FAT3: variants seen among roughly 807,000 people sequenced by gnomAD.
FAT3 encodes the protein FAT atypical cadherin 3, also known as protocadherin Fat 3.
FAT3 carries 95 observed loss-of-function variants against 310.2 expected under a neutral mutation model. The observed-to-expected ratio is 0.31, with a 90% CI of 0.26 to 0.36. The LOEUF (loss-of-function observed/expected upper bound fraction) is 0.36, where lower values mean the gene tolerates loss of function less well. Ranked by LOEUF, FAT3 falls within the 10% of genes least tolerant of loss-of-function variation. The pLI is 1.00. For missense variants in FAT3, 5,408 were observed against 5,715.6 expected, an observed-to-expected ratio of 0.95 and a Z score of 1.74; for synonymous variants, 2,314 against 2,192.9, an observed-to-expected ratio of 1.06 and a Z score of -1.54.
chr11:92,855,008 C>G (rs191524389), intron 19 of FAT3, among the ~76,000 whole-genome samples: 1 of 152,330 alleles, frequency 6.6e-6, no homozygotes, highest in East Asian at 1.9e-4. Context: ...TCAGAAGTTA[C>G]ATCTATTTGA....
At chr11:92,520,165 T>A (rs1258991330) in intron 2 of FAT3, among the ~76,000 whole-genome samples, 3 of 152,124 alleles carry the variant, frequency 2.0e-5, no homozygotes, top group Non-Finnish European at 4.4e-5. Flanking sequence ...TGAAAAGGAA[T>A]TAACTATTGT....
intron 3 of FAT3, among the ~76,000 whole-genome samples, chr11:92,657,268 C>G (rs1942616543): frequency 1.3e-5 from 2 of 152,100 alleles, no homozygotes; most frequent in Non-Finnish European, 1.5e-5. Flanking sequence ...AGTAGTACAT[C>G]CAGCCATCTG....
intron 2 of FAT3, among the ~76,000 whole-genome samples, chr11:92,381,926 T>C (rs955271646): frequency 1.1e-4 from 16 of 152,028 alleles, no homozygotes; most frequent in Admixed American, 3.3e-4. Context: ...CATTGGTGGG[T>C]AGTTTTTGTC....
intron 3 of FAT3, among the ~76,000 whole-genome samples, chr11:92,617,562 G>T (rs1177118993): frequency 6.6e-6 from 1 of 152,156 alleles, no homozygotes; most frequent in African/African-American, 2.4e-5. Flanking sequence ...GAGGCACTCT[G>T]ATTTTTAGAA....
rs1366326117 is a variant in FAT3, at chr11:92,354,882, G to C, written c.2770G>C (p.Val924Leu). 1.2e-6 allele frequency: 2 copies of C among 1,613,722 alleles called. No homozygotes were observed. The highest frequency in any genetic ancestry group is 1.7e-6 in the Non-Finnish European group (2 of 1,179,870). Residue 924 changes from valine to leucine, a missense_variant, in exon 2 of 28, where the codon GTT (valine) becomes CTT (leucine). By Grantham distance (32) the Val-to-Leu change is conservative (BLOSUM62 1). Coordinates refer to ENST00000525166, the MANE Select transcript of FAT3 (RefSeq NM_001367949.2). Reference sequence around the variant, plus strand: ...GCTGTTTTCAGTTGTCACTCTTAAAGTTTTTTTAGATGATGTCAATGACTG... The same window carrying C: ...GCTGTTTTCAGTTGTCACTCTTAAACTTTTTTTAGATGATGTCAATGACTG... ...QQLFSVVTLK[V>L]FLDDVNDCSP... is the part of the protein sequence containing the mutation.
intron 1 of FAT3, among the ~76,000 whole-genome samples, chr11:92,265,012 A>G (rs1247819686): frequency 6.6e-6 from 1 of 152,012 alleles, no homozygotes; most frequent in East Asian, 1.9e-4. Flanking sequence ...TTTAGCACTC[A>G]GTAAAGGAAA....
chr11:92,505,241 G>T (rs1039080607), intron 2 of FAT3, among the ~76,000 whole-genome samples: 2 of 152,144 alleles, frequency 1.3e-5, no homozygotes, highest in Non-Finnish European at 2.9e-5. Flanking sequence ...ATCAGATCAT[G>T]TATGGGCCAG....
chr11:92,537,929 G>A (rs642079), intron 3 of FAT3, among the ~76,000 whole-genome samples: 62,685 of 151,620 alleles, frequency 0.41, 13,248 homozygotes, highest in Middle Eastern at 0.55. Flanking sequence ...TTGGGTAAGT[G>A]GGGGAGATAT....
chr11:92,604,054 C>G (rs1205611561), intron 3 of FAT3, among the ~76,000 whole-genome samples: 1 of 152,202 alleles, frequency 6.6e-6, no homozygotes, highest in Non-Finnish European at 1.5e-5. Flanking sequence ...AAATGGATGT[C>G]ACATGCATAT....
At chr11:92,732,783 C>G (rs191110253) in intron 4 of FAT3, among the ~76,000 whole-genome samples, 108 of 152,276 alleles carry the variant, frequency 7.1e-4, no homozygotes, top group Non-Finnish European at 1.4e-3. Flanking sequence ...TTTCCAGATA[C>G]TAGGTTAAGC....
At chr11:92,499,600 A>G (rs1334896544) in intron 2 of FAT3, among the ~76,000 whole-genome samples, 1 of 152,100 alleles carries the variant, frequency 6.6e-6, no homozygotes, top group East Asian at 1.9e-4. Context: ...AAAAATTTGC[A>G]GAGACCCTGA....
intron 3 of FAT3, among the ~76,000 whole-genome samples, chr11:92,619,638 A>G (rs1940989614): frequency 6.6e-6 from 1 of 151,468 alleles, no homozygotes; most frequent in African/African-American, 2.4e-5. Context: ...TAAGTTATCC[A>G]ATTTGTTGTA....
chr11:92,472,975 A>C (rs1951949103), intron 2 of FAT3, among the ~76,000 whole-genome samples: 1 of 152,078 alleles, frequency 6.6e-6, no homozygotes, highest in South Asian at 2.1e-4. Context: ...TTGTTCCTCC[A>C]CATTTTTGGA....
At chr11:92,432,369 C>T (rs562277992) in intron 2 of FAT3, among the ~76,000 whole-genome samples, 35 of 152,276 alleles carry the variant, frequency 2.3e-4, no homozygotes, top group Admixed American at 1.8e-3. Flanking sequence ...CTGAAGTTGC[C>T]TATCAGCTTA....
chr11:92,710,590 T>C lies in FAT3; in HGVS notation c.3669+13145T>C, dbSNP rs183506265. Among the ~76,000 whole-genome samples the C allele has an allele frequency of 1.1e-4, 16 of 152,216 alleles. No individual in the cohort carries two copies. The East Asian group carries it at 2.1e-3, about 20-fold the overall frequency. ...TTGTTTGGTATCAGCCAGAACAGAATGGGATTTTTTATTTAGCATTTTTTA... is the reference window on the plus strand; with the variant it reads ...TTGTTTGGTATCAGCCAGAACAGAACGGGATTTTTTATTTAGCATTTTTTA... On this transcript the variant is annotated intron_variant, in intron 4 of 27. Coordinates refer to ENST00000525166, the MANE Select transcript of FAT3 (RefSeq NM_001367949.2).
At chr11:92,542,219 C>G (rs1316032926) in intron 3 of FAT3, among the ~76,000 whole-genome samples, 2 of 151,704 alleles carry the variant, frequency 1.3e-5, no homozygotes, top group African/African-American at 4.8e-5. Context: ...ATGTAAGACC[C>G]AAAATGATAA....
chr11:92,671,130 C>T (rs1943116702), intron 3 of FAT3, among the ~76,000 whole-genome samples: 1 of 152,046 alleles, frequency 6.6e-6, no homozygotes, highest in East Asian at 1.9e-4. Context: ...CTACAACCTC[C>T]GCTTCCTGGG....
intron 3 of FAT3, among the ~76,000 whole-genome samples, chr11:92,657,746 C>T (rs890313442): frequency 3.9e-5 from 6 of 152,186 alleles, no homozygotes; most frequent in Non-Finnish European, 7.3e-5. Context: ...ATGCTAAGAA[C>T]GGGTTGATGA....
At chr11:92,738,963 TG>T (rs1945427768) in intron 4 of FAT3, among the ~76,000 whole-genome samples, 1 of 152,194 alleles carries the variant, frequency 6.6e-6, no homozygotes, top group Admixed American at 6.5e-5. Flanking sequence ...TTGTTGCTAC[TG>T]AAGACTCAGA....
Sources: gnomAD v4.1 joint callset for allele counts (sites outside exome capture counted in the v4.1 genomes callset) on GRCh38, gnomAD v4.1.1 for gene constraint, MANE v1.5 for transcripts, NCBI Gene and HGNC (gene_info 2026-07-23, HGNC 2026-07-21) for gene names.